Variants in TPR observed in about 807,000 individuals in gnomAD.
The protein encoded by TPR is nucleoprotein TPR.
Under a neutral mutation model 316.1 loss-of-function variants are expected in TPR, and 51 were observed. That is an observed-to-expected ratio of 0.16 (90% CI 0.13 to 0.20). The LOEUF is 0.20. Among genes scored for constraint, TPR ranks in the 10% least tolerant of loss-of-function variants. The pLI is 1.00. For synonymous variants in TPR, 981 were observed against 914.7 expected, an observed-to-expected ratio of 1.07 and a Z score of -1.31; for missense variants, 2,272 against 2,754.8, an observed-to-expected ratio of 0.82 and a Z score of 3.92.
chr1:186,359,309 A>G (rs1659114410), intron 12 of TPR, among the ~76,000 whole-genome samples: 1 of 152,120 alleles, frequency 6.6e-6, no homozygotes, highest in South Asian at 2.1e-4. Context: ...TAACACTTCT[A>G]ATAAGCAAAT....
At chr1:186,370,206 T>C (rs1443676443) in intron 3 of TPR, among the ~76,000 whole-genome samples, 1 of 152,170 alleles carries the variant, frequency 6.6e-6, no homozygotes, top group Non-Finnish European at 1.5e-5. Flanking sequence ...TATGTTTTTT[T>C]CCCCAATCAT....
At chr1:186,340,577 A>G (rs953672367) in intron 29 of TPR, among the ~76,000 whole-genome samples, 17 of 151,894 alleles carry the variant, frequency 1.1e-4, no homozygotes, top group African/African-American at 3.9e-4. Flanking sequence ...GACTACAGGC[A>G]TGTACCACCA....
intron 39 of TPR, among the ~76,000 whole-genome samples, chr1:186,328,312 TTAG>T (rs1427216834): frequency 2.0e-5 from 3 of 152,210 alleles, no homozygotes. Context: ...TTTAAATTTG[TTAG>T]TAGCCACTTA....
intron 20 of TPR, 64 bp downstream of exon 20, chr1:186,351,266 C>T: frequency 6.7e-7 from 1 of 1,482,912 alleles, no homozygotes; most frequent in Non-Finnish European, 9.0e-7. Context: ...GCAGACTGTC[C>T]ACACACCAGA....
chr1:186,326,608 A>C (rs1223990121), intron 40 of TPR, among the ~76,000 whole-genome samples: 2 of 152,038 alleles, frequency 1.3e-5, no homozygotes, highest in African/African-American at 4.8e-5. Context: ...ATCTAAAATA[A>C]GAAGCTGTCA....
At chr1:186,370,167 CCT>C (rs1491253283) in intron 3 of TPR, among the ~76,000 whole-genome samples, 1 of 152,062 alleles carries the variant, frequency 6.6e-6, no homozygotes, top group African/African-American at 2.4e-5. Context: ...ATTGATACTT[CCT>C]TTTTTTAGAA....
chr1:186,364,421 C>T (rs534179535), intron 4 of TPR, among the ~76,000 whole-genome samples: 2 of 152,100 alleles, frequency 1.3e-5, no homozygotes, highest in South Asian at 4.2e-4. Context: ...TTCGTAAAGC[C>T]ATCACTGCAG....
At position 186,332,264 on chromosome 1, in the gene TPR, T is replaced by C; in HGVS notation, c.5535A>G (p.Gln1845=). The C allele has an allele frequency of 6.2e-7, 1 of 1,612,836 alleles. No homozygotes were observed. The highest frequency in any genetic ancestry group is 1.7e-5 in the Admixed American group (1 of 59,904). ...GCATTTCCACTGTATCATCAGAGAC[T>C]TGGTCTGATGCTTCTATGGTGCTAT... ...EEDSTIEASD[Q]VSDDTVEMPL... The change falls in exon 38 of 51, where the codon CAA becomes CAG. Residue 1845 remains glutamine, a synonymous_variant. Transcript: ENST00000367478.
At chr1:186,363,916 T>C (rs1444528325) in intron 4 of TPR, among the ~76,000 whole-genome samples, 1 of 152,062 alleles carries the variant, frequency 6.6e-6, no homozygotes, top group African/African-American at 2.4e-5. Flanking sequence ...CATAACTGCA[T>C]AAAATTAACT....
intron 3 of TPR, among the ~76,000 whole-genome samples, chr1:186,368,248 T>C (rs944493634): frequency 1.3e-5 from 2 of 152,356 alleles, no homozygotes; most frequent in Admixed American, 1.3e-4. Context: ...AGAATATCAC[T>C]GTATTTACAC....
At chr1:186,350,146 T>C (rs1490138845) in intron 21 of TPR, 77 bp downstream of exon 21, 6 of 1,309,446 alleles carry the variant, frequency 4.6e-6, no homozygotes, top group African/African-American at 1.5e-5. Flanking sequence ...AATTAGGCTA[T>C]TTACTGACAG....
At chr1:186,351,033 T>C (rs1005955231) in intron 20 of TPR, among the ~76,000 whole-genome samples, 2 of 152,096 alleles carry the variant, frequency 1.3e-5, no homozygotes, top group African/African-American at 4.8e-5. Context: ...GCCCACCTAA[T>C]ACATCATAAA....
intron 49 of TPR, among the ~76,000 whole-genome samples, chr1:186,317,229 G>T (rs857586): frequency 6.6e-6 from 1 of 152,192 alleles, no homozygotes; most frequent in African/African-American, 2.4e-5. Context: ...CAATAGTCTA[G>T]ATGAAACATG....
chr1:186,374,957 T>G lies in TPR; in HGVS notation c.72A>C (p.Lys24Asn). The change falls in exon 1 of 51, where the codon AAA becomes AAC. Residue 24 changes from lysine to asparagine, a missense_variant. Transcript: ENST00000367478. ...LNKLPKSVQN[K>N]LEKFLADQQS... Reference sequence around the variant, plus strand: ...GCTGATCAGCAAGGAACTTTTCAAGTTTGTTCTGGACAGACTTGGGCAGCT... The same window carrying G: ...GCTGATCAGCAAGGAACTTTTCAAGGTTGTTCTGGACAGACTTGGGCAGCT... 1 of 1,612,796 alleles carries G rather than the reference T, an allele frequency of 6.2e-7. No individual in the cohort carries two copies. The highest frequency in any genetic ancestry group is 1.1e-5 in the South Asian group (1 of 91,060).
chr1:186,327,490 C>G lies in TPR; in HGVS notation c.5859G>C (p.Glu1953Asp), dbSNP rs770147592. 2.2e-5 allele frequency: 35 copies of G among 1,609,994 alleles called. No individual in the cohort carries two copies. The highest frequency in any genetic ancestry group is 2.8e-5 in the Non-Finnish European group (33 of 1,179,252). ...VIVIDSDDEEEDDDENDGEHE... is the reference protein window; with the variant it reads ...VIVIDSDDEEDDDDENDGEHE... ...GTTCTCCATCATTTTCATCATCATC[C>G]TCTTCTTCATCATCACTGTCAATTA... The change falls in exon 40 of 51, where the codon GAG becomes GAC. Residue 1953 changes from glutamate to aspartate, a missense_variant. This residue lies in a region of TPR where 435 missense variants were observed against 461.1 expected (regional missense o/e 0.94). Coordinates refer to ENST00000367478, the MANE Select transcript of TPR (RefSeq NM_003292.3).
intron 33 of TPR, 52 bp from the exon 34 acceptor site, chr1:186,335,595 C>A: frequency 6.9e-7 from 1 of 1,440,916 alleles, no homozygotes; most frequent in Non-Finnish European, 9.3e-7. Flanking sequence ...ACATTTAAAA[C>A]AGCATTTATG....
chr1:186,344,003 T>C lies in TPR; in HGVS notation c.3505A>G (p.Lys1169Glu), dbSNP rs1433119238. Residue 1169 changes from lysine to glutamate, a missense_variant, in exon 26 of 51, where the codon AAG becomes GAG. Lys to Glu is a moderately conservative substitution (Grantham distance 56). Around this residue, in one of 10 missense-constraint regions of TPR, gnomAD observed 757 missense variants for 859.8 expected, o/e 0.88. Coordinates refer to ENST00000367478, the MANE Select transcript of TPR (RefSeq NM_003292.3). ...LHDQIEKLSDKVVASVKEGVQ... is the reference protein window; with the variant it reads ...LHDQIEKLSDEVVASVKEGVQ... Reference sequence around the variant, plus strand: ...CCTTCCTTCACAGAGGCAACGACCTTGTCACTTAATTTTTCGATCTGATCA... The same window carrying C: ...CCTTCCTTCACAGAGGCAACGACCTCGTCACTTAATTTTTCGATCTGATCA... 1 of 1,614,200 alleles carries C rather than the reference T, an allele frequency of 6.2e-7. No individual in the cohort carries two copies. The highest frequency in any genetic ancestry group is 8.5e-7 in the Non-Finnish European group (1 of 1,180,030).
Position 186,333,222 on chromosome 1 carries a change from C to T in TPR, c.5355G>A (p.Gln1785=). 1 of 1,613,646 alleles carries T rather than the reference C, an allele frequency of 6.2e-7. No individual in the cohort carries two copies. The highest frequency in any genetic ancestry group is 8.5e-7 in the Non-Finnish European group (1 of 1,179,700). The stretch of plus-strand genomic sequence containing the variant: ...ATAACTCTTGATTGGCAGGCTCAAT[C>T]TGAGGATGACTCTGTTGAGTGGGTT... ...FVQPTQQSHP[Q]IEPANQELSS... The change falls in exon 37 of 51, where the codon CAG becomes CAA. Residue 1785 remains glutamine (Q), a synonymous_variant. Coordinates refer to ENST00000367478, the MANE Select transcript of TPR (RefSeq NM_003292.3).
At position 186,341,082 on chromosome 1, in the gene TPR, C is replaced by T; in HGVS notation, c.3966G>A (p.Gln1322=). 1 of 1,614,106 alleles carries T rather than the reference C, an allele frequency of 6.2e-7. No individual in the cohort carries two copies. Among genetic ancestry groups the T allele is most frequent in the Non-Finnish European group, 8.5e-7 (1 of 1,180,010 alleles). ...AELSEKSGML[Q]AEKKLLEEDV... ...CCTCTTCTAAGAGCTTCTTCTCTGCCTGCAACATACCGCTTTTCTCACTCA... is the reference window on the plus strand; with the variant it reads ...CCTCTTCTAAGAGCTTCTTCTCTGCTTGCAACATACCGCTTTTCTCACTCA... The change falls in exon 29 of 51, where the codon CAG becomes CAA. Residue 1322 remains glutamine (Q), a synonymous_variant. Transcript: ENST00000367478.
Sources: gnomAD v4.1 joint callset for allele counts (sites outside exome capture counted in the v4.1 genomes callset) on GRCh38, gnomAD v4.1.1 for gene constraint, gnomAD v4.1.1 regional missense constraint, MANE v1.5 for transcripts, NCBI Gene and HGNC (gene_info 2026-07-23, HGNC 2026-07-21) for gene names.